Variants in NSL1 observed in about 807,000 individuals in gnomAD.
NSL1 encodes the protein kinetochore-associated protein NSL1 homolog.
In NSL1, 11 loss-of-function variants were observed where a neutral mutation model predicts 25.4. That is an observed-to-expected ratio of 0.43 (90% CI 0.27 to 0.72). The LOEUF (loss-of-function observed/expected upper bound fraction) is 0.72. Ranked by LOEUF, NSL1 falls within the 30% of genes least tolerant of loss-of-function variation. The pLI, the probability that NSL1 is intolerant of heterozygous loss-of-function variation, is 0.19. For missense variants in NSL1, 330 were observed against 342.7 expected, an observed-to-expected ratio of 0.96 and a Z score of 0.29; for synonymous variants, 118 against 120.6, an observed-to-expected ratio of 0.98 and a Z score of 0.14.
At chr1:212,782,911 G>C (rs1660788523) in intron 3 of NSL1, among the ~76,000 whole-genome samples, 1 of 152,136 alleles carries the variant, frequency 6.6e-6, no homozygotes, top group Non-Finnish European at 1.5e-5. Context: ...TACTGGCACA[G>C]AATCTACAAT....
At chr1:212,779,555 G>A (rs1345224057) in intron 4 of NSL1, among the ~76,000 whole-genome samples, 2 of 112,954 alleles carry the variant, frequency 1.8e-5, no homozygotes, top group Non-Finnish European at 3.8e-5. Flanking sequence ...CGGGAGGGAG[G>A]TGGGGGTGTC....
rs879198818 is a variant in NSL1, at chr1:212,757,712, C to T, written c.500-18111G>A. Among the ~76,000 whole-genome samples the T allele has an allele frequency of 5.9e-5, 9 of 152,260 alleles. No homozygotes were observed. In the South Asian group the frequency reaches 1.7e-3, roughly 28 times the overall value. On this transcript the variant is annotated intron_variant, in intron 4 of 5. Coordinates refer to ENST00000366977, the MANE Select transcript of NSL1 (RefSeq NM_015471.4). ...TTACCACAAGGAGGGCACCAAGCCA[C>T]GGATGAGGGATCTGCCCCCAAGACC...
At chr1:212,757,460 T>C (rs967334040) in intron 4 of NSL1, among the ~76,000 whole-genome samples, 1 of 152,162 alleles carries the variant, frequency 6.6e-6, no homozygotes, top group Non-Finnish European at 1.5e-5. Flanking sequence ...GGGTAATTTA[T>C]AAAGAAAAGA....
chr1:212,788,608 G>A (rs1571927829), intron 1 of NSL1, among the ~76,000 whole-genome samples: 2 of 152,056 alleles, frequency 1.3e-5, no homozygotes, highest in Admixed American at 6.5e-5. Flanking sequence ...AAAGGAATTC[G>A]GCAGTACACA....
chr1:212,755,912 G>A (rs1378118158), intron 4 of NSL1, among the ~76,000 whole-genome samples: 1 of 152,108 alleles, frequency 6.6e-6, no homozygotes, highest in African/African-American at 2.4e-5. Context: ...ATAAACTTAA[G>A]CTAGGAAATT....
At chr1:212,744,386 C>A (rs1287551841) in intron 4 of NSL1, among the ~76,000 whole-genome samples, 2 of 152,108 alleles carry the variant, frequency 1.3e-5, no homozygotes, top group Non-Finnish European at 2.9e-5. Context: ...GCAGCAACAA[C>A]AAATCCTGGG....
intron 4 of NSL1, among the ~76,000 whole-genome samples, chr1:212,778,762 C>T (rs1409005810): frequency 6.6e-6 from 1 of 152,082 alleles, no homozygotes; most frequent in Non-Finnish European, 1.5e-5. Flanking sequence ...CCTCCACCTC[C>T]CAGCAGCCTG....
chr1:212,738,579 A>G lies in NSL1; in HGVS notation c.675T>C (p.His225=), dbSNP rs770036699. 3.5e-5 allele frequency: 56 copies of G among 1,614,020 alleles called. No homozygotes were observed. Among genetic ancestry groups the G allele is most frequent in the African/African-American group, 1.3e-4 (10 of 74,920 alleles). The change falls in exon 6 of 6, where the codon CAT becomes CAC. Residue 225 remains histidine (H), a synonymous_variant. Transcript: ENST00000366977. Reference sequence around the variant, plus strand: ...TCTCAGGTTTAGCATCTGGTTTCCTATGACAACTGGAAAAGACTTCTTGGT... The same window carrying G: ...TCTCAGGTTTAGCATCTGGTTTCCTGTGACAACTGGAAAAGACTTCTTGGT... ...RIHQEVFSSC[H]RKPDAKPENF... is the part of the protein sequence containing the mutation.
Position 212,730,187 on chromosome 1 carries a change from T to C in NSL1, c.*8221A>G. On this transcript the variant is annotated 3_prime_UTR_variant, in exon 6 of 6. Coordinates refer to ENST00000366977, the MANE Select transcript of NSL1 (RefSeq NM_015471.4). ...ACCTCTTGAACCTGGGAGGTGGAGG[T>C]TGCAGTGAGTTGAGATCGCTCCACT... 1.1e-6 allele frequency: 1 copy of C among 938,682 alleles called. No homozygotes were observed. Among genetic ancestry groups the C allele is most frequent in the Non-Finnish European group, 1.2e-6 (1 of 802,670 alleles). 58.1% of individuals were successfully genotyped at this position (938,682 alleles called of 1,614,324 possible).
rs1453092684 is a variant in NSL1 at position 212,731,088 on chromosome 1, T to A, written c.*7320A>T. ...TTTTCTCAAATCCTTTCATATAAAA[T>A]CCCCAAGAACCCCCTTCAGTGGTTC... is the stretch of plus-strand genomic sequence containing the variant. On this transcript the variant is annotated 3_prime_UTR_variant, in exon 6 of 6. Transcript: ENST00000366977. 5 of 984,430 alleles carry A rather than the reference T, an allele frequency of 5.1e-6. No individual in the cohort carries two copies. The East Asian group carries it at 3.4e-4, about 67-fold the overall frequency. The allele number at this position is 984,430 out of a possible 1,614,324, so 61.0% of individuals were successfully genotyped here.
chr1:212,742,306 CAGA>C (rs1658543408), intron 4 of NSL1, among the ~76,000 whole-genome samples: 1 of 151,938 alleles, frequency 6.6e-6, no homozygotes, highest in South Asian at 2.1e-4. Context: ...ATACAGAAAG[CAGA>C]AGATCAGAAG....
At chr1:212,745,679 TTGTC>T (rs111565327) in intron 4 of NSL1, among the ~76,000 whole-genome samples, 30,977 of 151,958 alleles carry the variant, frequency 0.2, 3,959 homozygotes, top group African/African-American at 0.37. Flanking sequence ...ACTGAGGGAA[TTGTC>T]TGGACACAGT....
chr1:212,731,324 G>A lies in NSL1; in HGVS notation c.*7084C>T. 1 of 982,414 alleles carries A rather than the reference G, an allele frequency of 1.0e-6. No individual in the cohort carries two copies. The highest frequency in any genetic ancestry group is 4.7e-5 in the South Asian group (1 of 21,216). The allele number at this position is 982,414 out of a possible 1,614,324, so 60.9% of individuals were successfully genotyped here. A position where few individuals can be genotyped will look rare whatever the true frequency, so the allele number is the denominator to read the frequency against. On this transcript the variant is annotated 3_prime_UTR_variant, in exon 6 of 6. Coordinates refer to ENST00000366977, the MANE Select transcript of NSL1 (RefSeq NM_015471.4). The stretch of plus-strand genomic sequence containing the variant: ...TAATCCCAGCACTTTGGGAAGCTGA[G>A]GCAGGAGGATGGCTTGAGCCCAGGA...
chr1:212,741,947 TC>T (rs1443579855), intron 4 of NSL1, among the ~76,000 whole-genome samples: 1 of 151,994 alleles, frequency 6.6e-6, no homozygotes, highest in Non-Finnish European at 1.5e-5. Flanking sequence ...TGCTACAGGC[TC>T]CCACTGGGTC....
rs558546277 is a variant in NSL1, at chr1:212,739,426, C to T, written c.567+108G>A. 252 of 921,690 alleles carry T rather than the reference C, an allele frequency of 2.7e-4. 2 individuals are homozygous for T. In the South Asian group the frequency reaches 3.8e-3, roughly 14 times the overall value. 57.1% of individuals were successfully genotyped at this position (921,690 alleles called of 1,614,324 possible). ...TTCATTAAAGATTTATTTAAAGGAC[C>T]GCTGAGAATTCCTGTTAGAGCAGAC... On this transcript the variant is annotated intron_variant, in intron 5 of 5. Transcript: ENST00000366977.
Position 212,730,800 on chromosome 1 carries a change from G to A in NSL1, c.*7608C>T. 1 of 985,374 alleles carries A rather than the reference G, an allele frequency of 1.0e-6. No homozygotes were observed. The highest frequency in any genetic ancestry group is 1.2e-6 in the Non-Finnish European group (1 of 829,914). The allele number at this position is 985,374 out of a possible 1,614,324, so 61.0% of individuals were successfully genotyped here. On this transcript the variant is annotated 3_prime_UTR_variant, in exon 6 of 6. Transcript: ENST00000366977. ...AGTCCTAATTCAGGTCAGTTTCCCA[G>A]TGATCTGTCCTCAGTTTTTTACCTC... is the stretch of plus-strand genomic sequence containing the variant.
intron 4 of NSL1, among the ~76,000 whole-genome samples, chr1:212,771,832 AC>A (rs1470159977): frequency 2.0e-5 from 3 of 152,174 alleles, no homozygotes; most frequent in Admixed American, 1.3e-4. Context: ...AAGGAAAACT[AC>A]AGTACACTAT....
In NSL1 at chr1:212,791,535, G is replaced by T; in HGVS notation, c.229C>A (p.Gln77Lys). ...EIREPALRDAQWTFESAVQEN... is the reference protein window; with the variant it reads ...EIREPALRDAKWTFESAVQEN... Reference sequence around the variant, plus strand: ...CTGGCTAACTGGTCCCGTACCCACTGCGCATCTCGCAGAGCGGGCTCCCGA... The same window carrying T: ...CTGGCTAACTGGTCCCGTACCCACTTCGCATCTCGCAGAGCGGGCTCCCGA... Residue 77 changes from glutamine (Q) to lysine (K), a missense_variant, in exon 1 of 6, where the codon CAG (glutamine) becomes AAG (lysine). Physicochemically the swap from Gln to Lys is moderately conservative, Grantham distance 53. Transcript: ENST00000366977. 4 of 1,613,186 alleles carry T rather than the reference G, an allele frequency of 2.5e-6. No homozygotes were observed. Among genetic ancestry groups the T allele is most frequent in the Non-Finnish European group, 3.4e-6 (4 of 1,179,686 alleles).
At chr1:212,782,291 G>T in intron 4 of NSL1, 81 bp downstream of exon 4, 1 of 954,472 alleles carries the variant, frequency 1.0e-6, no homozygotes, top group South Asian at 1.3e-5. Flanking sequence ...CCTTGATGCT[G>T]ACCCTTTTAG....
Sources: allele counts gnomAD v4.1 joint callset (sites outside exome capture counted in the v4.1 genomes callset), GRCh38; gene constraint gnomAD v4.1.1; transcripts MANE v1.5; gene names NCBI Gene and HGNC (gene_info 2026-07-23, HGNC 2026-07-21).